CAPZB: variants seen among roughly 807,000 people sequenced by gnomAD.
The protein encoded by CAPZB is capping actin protein of muscle Z-line subunit beta, also known as F-actin-capping protein subunit beta.
Under a neutral mutation model 38.1 loss-of-function variants are expected in CAPZB, and 2 were observed. That is an observed-to-expected ratio of 0.05 (90% CI 0.02 to 0.17). The LOEUF (loss-of-function observed/expected upper bound fraction) is 0.17. CAPZB is among the 10% of genes least tolerant of loss of function. The probability of loss-of-function intolerance (pLI) is 1.00; values close to 1 mark genes in which losing one functional copy is unlikely to be tolerated. For missense variants in CAPZB, 161 were observed against 334.2 expected, an observed-to-expected ratio of 0.48 and a Z score of 4.04; for synonymous variants, 107 against 127.4, an observed-to-expected ratio of 0.84 and a Z score of 1.08.
chr1:19,483,502 G>A (rs1267858868), intron 1 of CAPZB, among the ~76,000 whole-genome samples: 1 of 152,232 alleles, frequency 6.6e-6, no homozygotes, highest in Non-Finnish European at 1.5e-5. Flanking sequence ...ACAGTGACTG[G>A]CAGACAGTTC....
At chr1:19,382,014 G>A (rs2094177678) in intron 3 of CAPZB, among the ~76,000 whole-genome samples, 1 of 152,086 alleles carries the variant, frequency 6.6e-6, no homozygotes, top group Admixed American at 6.6e-5. Context: ...GGCCCTTTGA[G>A]ACTCTGCAGC....
chr1:19,339,071 C>G lies in CAPZB; in HGVS notation c.*459G>C, dbSNP rs2093913272. On this transcript the variant is annotated 3_prime_UTR_variant, in exon 9 of 9. Transcript: ENST00000264202. ...AGCTGTCCCCTGTCCCCACGACCCC[C>G]AACCCCAAGCAACTCCCAAACACAC... 1 of 166,040 alleles carries G rather than the reference C, an allele frequency of 6.0e-6. No homozygotes were observed. The highest frequency in any genetic ancestry group is 1.3e-5 in the Non-Finnish European group (1 of 76,632). 10.3% of individuals were successfully genotyped at this position (166,040 alleles called of 1,614,324 possible).
intron 1 of CAPZB, chr1:19,448,724 T>C (rs2094504445): frequency 3.0e-6 from 4 of 1,349,400 alleles, no homozygotes; most frequent in Non-Finnish European, 4.1e-6. Flanking sequence ...GTGGATTCCA[T>C]CAGCTTTGCT....
At position 19,385,630 on chromosome 1, in the gene CAPZB, G is replaced by C; in HGVS notation, c.94-4C>G. On this transcript the variant is annotated splice_region_variant and splice_polypyrimidine_tract_variant and intron_variant, in intron 2 of 8. Transcript: ENST00000264202. ...GATCCTCACATAGACTGGGGACCTG[G>C]CAGAGAGAAAGGACAAGGTCGAAAC... is the stretch of plus-strand genomic sequence containing the variant. 1 of 1,614,198 alleles carries C rather than the reference G, an allele frequency of 6.2e-7. No homozygotes were observed. The highest frequency in any genetic ancestry group is 8.5e-7 in the Non-Finnish European group (1 of 1,180,022).
intron 2 of CAPZB, among the ~76,000 whole-genome samples, chr1:19,402,970 A>G (rs902858412): frequency 6.6e-6 from 1 of 151,992 alleles, no homozygotes; most frequent in Admixed American, 6.6e-5. Flanking sequence ...AATTGCTTGA[A>G]CCAGGGAGGC....
At chr1:19,419,905 G>A (rs925031311) in intron 1 of CAPZB, 155 bp from the exon 2 acceptor site, 17 of 588,552 alleles carry the variant, frequency 2.9e-5, no homozygotes, top group East Asian at 8.6e-5. Flanking sequence ...AGCCTGGAGC[G>A]GGGGGCGACT....
At chr1:19,422,257 A>G (rs568729760) in intron 1 of CAPZB, among the ~76,000 whole-genome samples, 4 of 152,272 alleles carry the variant, frequency 2.6e-5, no homozygotes, top group South Asian at 2.1e-4. Flanking sequence ...TCTAATGGGT[A>G]GGGGCCAGGG....
Position 19,377,378 on chromosome 1 carries a change from G to C in CAPZB, c.329+1162C>G, listed in dbSNP as rs568377456. ...TCACCTCCATGTCCTGTGGTCTTGT[G>C]TGAGTCATTTAACCTCTTGGAACCT... On this transcript the variant is annotated intron_variant, in intron 4 of 8. Coordinates refer to ENST00000264202, the MANE Select transcript of CAPZB (RefSeq NM_004930.5). Among the ~76,000 whole-genome samples, 29 of 152,354 alleles carry C rather than the reference G, an allele frequency of 1.9e-4. 1 individual carries two copies. The highest frequency in any genetic ancestry group is 3.3e-4 in the Admixed American group (5 of 15,306).
chr1:19,440,799 G>A (rs1472855134), intron 1 of CAPZB, among the ~76,000 whole-genome samples: 3 of 152,186 alleles, frequency 2.0e-5, no homozygotes, highest in Non-Finnish European at 4.4e-5. Context: ...GGTGGCTCAC[G>A]CCTGTAATCC....
At chr1:19,388,371 A>G (rs1056227498) in intron 2 of CAPZB, among the ~76,000 whole-genome samples, 7 of 152,202 alleles carry the variant, frequency 4.6e-5, no homozygotes, top group African/African-American at 1.7e-4. Flanking sequence ...AATGCTTAAT[A>G]TATTTGGGAG....
At chr1:19,459,559 TA>T (rs1054770325) in intron 1 of CAPZB, among the ~76,000 whole-genome samples, 1 of 152,100 alleles carries the variant, frequency 6.6e-6, no homozygotes, top group Non-Finnish European at 1.5e-5. Flanking sequence ...AAAAACGGGA[TA>T]GGGGCTGGGA....
chr1:19,366,893 A>G (rs1004299373), intron 4 of CAPZB, among the ~76,000 whole-genome samples: 6 of 152,198 alleles, frequency 3.9e-5, no homozygotes, highest in Admixed American at 3.9e-4. Context: ...TTTTCTGATC[A>G]TCCTTAACAT....
At chr1:19,421,187 A>G (rs1365919756) in intron 1 of CAPZB, among the ~76,000 whole-genome samples, 1 of 152,250 alleles carries the variant, frequency 6.6e-6, no homozygotes, top group African/African-American at 2.4e-5. Context: ...TACACAAAGT[A>G]ATCCTCAAAA....
chr1:19,400,902 C>G (rs959076841), intron 2 of CAPZB, among the ~76,000 whole-genome samples: 3 of 152,172 alleles, frequency 2.0e-5, no homozygotes, highest in Non-Finnish European at 4.4e-5. Flanking sequence ...TTGCCCCGAT[C>G]CTGACCTGGT....
rs74228448 is a variant in CAPZB at position 19,459,362 on chromosome 1, T to C, written c.3+26074A>G. ...GGGGTAGAATGAAAAGTCGTTAAAG[T>C]TGTTAAAGTTCTGTGTTATTTAAAT... is the stretch of plus-strand genomic sequence containing the variant. On this transcript the variant is annotated intron_variant, in intron 1 of 8. Coordinates refer to ENST00000264202, the MANE Select transcript of CAPZB (RefSeq NM_004930.5). Among the ~76,000 whole-genome samples, 20 of 152,294 alleles carry C rather than the reference T, an allele frequency of 1.3e-4. No homozygotes were observed. In the East Asian group the frequency reaches 3.3e-3, roughly 25 times the overall value.
intron 1 of CAPZB, among the ~76,000 whole-genome samples, chr1:19,422,309 C>A (rs1011069576): frequency 3.3e-5 from 5 of 152,124 alleles, no homozygotes; most frequent in African/African-American, 1.2e-4. Context: ...AGCCTCCCCA[C>A]AACAAAGAAT....
At chr1:19,453,058 G>A (rs1030156401) in intron 1 of CAPZB, among the ~76,000 whole-genome samples, 1 of 151,810 alleles carries the variant, frequency 6.6e-6, no homozygotes, top group Non-Finnish European at 1.5e-5. Flanking sequence ...ACCTGCCTCA[G>A]CCTCCCAAAG....
At chr1:19,458,761 CA>C (rs1170076285) in intron 1 of CAPZB, among the ~76,000 whole-genome samples, 2 of 152,242 alleles carry the variant, frequency 1.3e-5, no homozygotes, top group African/African-American at 2.4e-5. Flanking sequence ...ATGTGACACA[CA>C]AATAGAGTGG....
intron 2 of CAPZB, among the ~76,000 whole-genome samples, chr1:19,395,509 C>T (rs999617680): frequency 1.3e-4 from 20 of 152,254 alleles, no homozygotes; most frequent in African/African-American, 4.8e-4. Context: ...CTGGAAGGGG[C>T]CACAACGGTT....
Sources: gnomAD v4.1 joint callset for allele counts (sites outside exome capture counted in the v4.1 genomes callset) on GRCh38, gnomAD v4.1.1 for gene constraint, MANE v1.5 for transcripts, NCBI Gene and HGNC (gene_info 2026-07-23, HGNC 2026-07-21) for gene names.